USP45: variants seen among roughly 807,000 people sequenced by gnomAD.
USP45 encodes the protein ubiquitin carboxyl-terminal hydrolase 45.
Under a neutral mutation model 95.8 loss-of-function variants are expected in USP45, and 89 were observed. The observed-to-expected ratio is 0.93, with a 90% CI of 0.78 to 1.11. The LOEUF (loss-of-function observed/expected upper bound fraction) is 1.11. USP45 is among the 50% of genes least tolerant of loss of function. The pLI is 0.00. For missense variants in USP45, 898 were observed against 942.5 expected (o/e 0.95, Z 0.62); for synonymous variants, 281 against 316.2 (o/e 0.89, Z 1.18).
chr6:99,494,641 T>A (rs1795912282), intron 5 of USP45, among the ~76,000 whole-genome samples: 1 of 152,204 alleles, frequency 6.6e-6, no homozygotes, highest in South Asian at 2.1e-4. Context: ...ATGCCTGTAA[T>A]CCCAGCACTT....
chr6:99,477,252 A>G (rs903034567), intron 8 of USP45, among the ~76,000 whole-genome samples: 8 of 152,236 alleles, frequency 5.3e-5, no homozygotes, highest in Non-Finnish European at 1.0e-4. Flanking sequence ...TGCCACTAAC[A>G]TAACTACAGG....
intron 13 of USP45, among the ~76,000 whole-genome samples, chr6:99,452,752 C>A (rs893174813): frequency 3.3e-5 from 5 of 152,124 alleles, no homozygotes; most frequent in Non-Finnish European, 5.9e-5. Context: ...GCACTATTCA[C>A]AATAGCAAAG....
At chr6:99,504,173 C>T (rs1249909624) in intron 4 of USP45, among the ~76,000 whole-genome samples, 2 of 152,214 alleles carry the variant, frequency 1.3e-5, no homozygotes, top group Admixed American at 1.3e-4. Context: ...CAGAGTCTCG[C>T]TCTGTTTCCC....
chr6:99,507,439 T>A lies in USP45; in HGVS notation c.366A>T (p.Thr122=). 1.9e-6 allele frequency: 3 copies of A among 1,602,010 alleles called. No individual in the cohort carries two copies. Among genetic ancestry groups the A allele is most frequent in the Non-Finnish European group, 2.6e-6 (3 of 1,172,310 alleles). The change falls in exon 4 of 18, where the codon ACA becomes ACT. Residue 122 remains threonine (T), a synonymous_variant. Transcript: ENST00000500704. ...AAAATTTAACTTACCATATAATCCA[T>A]GTGCTCAGATTAATTATAATACAAT... ...EPHCIIINLS[T]WIIWCYECDE... is the part of the protein sequence containing the mutation.
chr6:99,439,867 C>T lies in USP45; in HGVS notation c.2074-12G>A. 6.3e-7 allele frequency: 1 copy of T among 1,582,202 alleles called. No homozygotes were observed. The highest frequency in any genetic ancestry group is 1.2e-5 in the South Asian group (1 of 84,862). ...AGACTCAAGCCAGCCTTAAAAAGAC[C>T]AAAACATTTTTGAAATGCAACAATT... On this transcript the variant is annotated splice_polypyrimidine_tract_variant and intron_variant, in intron 15 of 17. Coordinates refer to ENST00000500704, the MANE Select transcript of USP45 (RefSeq NM_001346022.3).
chr6:99,441,015 T>C (rs988499038), intron 15 of USP45, among the ~76,000 whole-genome samples: 3 of 152,222 alleles, frequency 2.0e-5, no homozygotes, highest in Non-Finnish European at 4.4e-5. Context: ...TCTAGACTTA[T>C]ATTTGCATAT....
At chr6:99,510,040 T>C in intron 2 of USP45, 81 bp downstream of exon 2, 1 of 1,090,994 alleles carries the variant, frequency 9.2e-7, no homozygotes, top group Non-Finnish European at 1.4e-6. Flanking sequence ...ATCCTCAGCG[T>C]TCAAACCCAT....
intron 13 of USP45, among the ~76,000 whole-genome samples, chr6:99,457,759 C>A (rs1261677213): frequency 6.6e-6 from 1 of 152,124 alleles, no homozygotes; most frequent in Non-Finnish European, 1.5e-5. Flanking sequence ...TTAAAAGATA[C>A]ATATCCGAGG....
At position 99,503,839 on chromosome 6, in the gene USP45, G is replaced by A. The variant is rs754545349; in HGVS notation, c.404C>T (p.Ser135Leu). 1.0e-5 allele frequency: 16 copies of A among 1,592,224 alleles called. No individual in the cohort carries two copies. In the Admixed American group the frequency reaches 2.6e-4, roughly 26 times the overall value. ...IWCYECDEKLSTHCNKKVLAQ... is the reference protein window; with the variant it reads ...IWCYECDEKLLTHCNKKVLAQ... Reference sequence around the variant, plus strand: ...CAAAACCTTCTTATTACAATGCGTTGATAATTTTTCATCACATTCATAACA... The same window carrying A: ...CAAAACCTTCTTATTACAATGCGTTAATAATTTTTCATCACATTCATAACA... The change falls in exon 5 of 18, where the codon TCA (serine) becomes TTA (leucine). Residue 135 changes from serine to leucine, a missense_variant. Transcript: ENST00000500704.
At chr6:99,439,677 T>G in intron 16 of USP45, 92 bp downstream of exon 16, 1 of 914,172 alleles carries the variant, frequency 1.1e-6, no homozygotes, top group Non-Finnish European at 1.5e-6. Flanking sequence ...GAAGAGAAGT[T>G]ATTTTTTTAG....
At chr6:99,454,435 CA>C (rs779642024) in intron 13 of USP45, among the ~76,000 whole-genome samples, 1 of 152,018 alleles carries the variant, frequency 6.6e-6, no homozygotes. Context: ...GCACAGGCAA[CA>C]AAAACAAATG....
intron 15 of USP45, among the ~76,000 whole-genome samples, chr6:99,443,288 G>A (rs896104787): frequency 3.9e-5 from 6 of 152,220 alleles, no homozygotes; most frequent in South Asian, 2.1e-4. Context: ...GGGAGCCACC[G>A]TGCCCAGCCA....
intron 12 of USP45, 64 bp downstream of exon 12, chr6:99,465,016 A>G (rs1355852080): frequency 1.5e-6 from 2 of 1,369,912 alleles, no homozygotes; most frequent in African/African-American, 2.9e-5. Context: ...ATACTCAACA[A>G]ATGTTTAAAT....
intron 4 of USP45, 60 bp from the exon 5 acceptor site, chr6:99,503,925 C>A (rs1247206324): frequency 2.4e-6 from 3 of 1,227,430 alleles, no homozygotes; most frequent in African/African-American, 3.1e-5. Flanking sequence ...TTTTGCACAT[C>A]AGATAACAAA....
At chr6:99,510,581 CCT>C (rs1406003895) in intron 1 of USP45, among the ~76,000 whole-genome samples, 2 of 152,066 alleles carry the variant, frequency 1.3e-5, no homozygotes, top group African/African-American at 4.8e-5. Context: ...ATGAGACTGG[CCT>C]CTTATAATAA....
chr6:99,476,459 C>T (rs1790895225), intron 8 of USP45, among the ~76,000 whole-genome samples: 1 of 152,166 alleles, frequency 6.6e-6, no homozygotes, highest in Admixed American at 6.5e-5. Context: ...CACACACCCA[C>T]ACACACAAAA....
intron 8 of USP45, chr6:99,482,434 A>G (rs1013437317): frequency 7.7e-6 from 2 of 260,320 alleles, no homozygotes; most frequent in Non-Finnish European, 1.4e-5. Context: ...TTACAACTCT[A>G]TGGTTTTCTC....
chr6:99,448,067 T>C (rs888626032), intron 13 of USP45, among the ~76,000 whole-genome samples: 1 of 151,918 alleles, frequency 6.6e-6, no homozygotes, highest in Non-Finnish European at 1.5e-5. Flanking sequence ...AGACCAAAGG[T>C]AGATAAAACC....
At chr6:99,450,320 A>G (rs1464005666) in intron 13 of USP45, among the ~76,000 whole-genome samples, 1 of 152,204 alleles carries the variant, frequency 6.6e-6, no homozygotes, top group Non-Finnish European at 1.5e-5. Flanking sequence ...GAGAAGAATC[A>G]AATAGGCACA....
Sources: allele counts gnomAD v4.1 joint callset (sites outside exome capture counted in the v4.1 genomes callset), GRCh38; gene constraint gnomAD v4.1.1; transcripts MANE v1.5; gene names NCBI Gene and HGNC (gene_info 2026-07-23, HGNC 2026-07-21).